PRKCZ: variants seen among roughly 807,000 people sequenced by gnomAD.
PRKCZ encodes the protein protein kinase C zeta type.
A neutral mutation model predicts 79.5 loss-of-function variants in PRKCZ; 33 were observed. That is an observed-to-expected ratio of 0.41 (90% CI 0.31 to 0.55). The LOEUF (loss-of-function observed/expected upper bound fraction) is 0.55. PRKCZ is among the 20% of genes least tolerant of loss of function. PRKCZ has a pLI of 0.19. For missense variants in PRKCZ, 578 were observed against 813.5 expected, an observed-to-expected ratio of 0.71 and a Z score of 3.52; for synonymous variants, 342 against 320.9, an observed-to-expected ratio of 1.07 and a Z score of -0.70.
chr1:2,169,301 G>A (rs550954151), intron 10 of PRKCZ: 22 of 596,004 alleles, frequency 3.7e-5, no homozygotes, highest in African/African-American at 3.5e-4. Context: ...CGAGGCCCCC[G>A]CATGACTCCC....
At chr1:2,102,556 TCTC>T (rs1414044746) in intron 4 of PRKCZ, among the ~76,000 whole-genome samples, 12 of 152,028 alleles carry the variant, frequency 7.9e-5, no homozygotes, top group Admixed American at 1.3e-4. Flanking sequence ...ATGGTCTCGA[TCTC>T]CTGACCTCGT....
At chr1:2,106,298 T>C (rs1344765720) in intron 4 of PRKCZ, among the ~76,000 whole-genome samples, 1 of 152,186 alleles carries the variant, frequency 6.6e-6, no homozygotes, top group Non-Finnish European at 1.5e-5. Flanking sequence ...TTAGGAAAAA[T>C]GCCAAACTGA....
At chr1:2,131,851 G>A (rs568504259) in intron 4 of PRKCZ, among the ~76,000 whole-genome samples, 8 of 152,324 alleles carry the variant, frequency 5.3e-5, no homozygotes, top group African/African-American at 1.4e-4. Flanking sequence ...TCGCTCTGTC[G>A]CCCAGGCTGG....
chr1:2,169,046 G>T, intron 10 of PRKCZ: 1 of 417,230 alleles, frequency 2.4e-6, no homozygotes, highest in Non-Finnish European at 5.0e-6. Context: ...TTGTTCCCTT[G>T]GAGGGCCGGT....
At chr1:2,170,308 T>G (rs972315758) in intron 11 of PRKCZ, among the ~76,000 whole-genome samples, 1 of 152,196 alleles carries the variant, frequency 6.6e-6, no homozygotes, top group Admixed American at 6.5e-5. Context: ...CCAGGACCGT[T>G]TGGGGGCTTA....
chr1:2,096,219 C>T (rs988239510), intron 4 of PRKCZ, among the ~76,000 whole-genome samples: 3 of 151,912 alleles, frequency 2.0e-5, no homozygotes, highest in Non-Finnish European at 2.9e-5. Flanking sequence ...GTGACTTCAT[C>T]CCTCCGATCG....
At chr1:2,084,605 G>T (rs1026062833) in intron 4 of PRKCZ, among the ~76,000 whole-genome samples, 1 of 152,262 alleles carries the variant, frequency 6.6e-6, no homozygotes, top group Non-Finnish European at 1.5e-5. Context: ...GTGGATGGGG[G>T]TGAGTGGGGC....
At chr1:2,145,945 G>A in intron 6 of PRKCZ, 82 bp from the exon 7 acceptor site, 1 of 1,279,430 alleles carries the variant, frequency 7.8e-7, no homozygotes, top group South Asian at 1.2e-5. Flanking sequence ...ATTTTAAAAA[G>A]TCACAAAGTG....
At position 2,173,627 on chromosome 1, in the gene PRKCZ, C is replaced by T. The variant is rs1684899434; in HGVS notation, c.1286-270C>T. ...CGCAGGTTCCACCAGTGCCTCGTGC[C>T]GGTGTGGTCACAGGTGCCCTGGCAG... is the stretch of plus-strand genomic sequence containing the variant. On this transcript the variant is annotated intron_variant, in intron 13 of 17. Coordinates refer to ENST00000378567, the MANE Select transcript of PRKCZ (RefSeq NM_002744.6). The surrounding 1 kb of genome is among the most constrained non-coding windows in gnomAD (Gnocchi z 5.7). Among the ~76,000 whole-genome samples the T allele has an allele frequency of 6.6e-6, 1 of 152,210 alleles. No individual in the cohort carries two copies. The highest frequency in any genetic ancestry group is 2.4e-5 in the African/African-American group (1 of 41,450).
intron 4 of PRKCZ, among the ~76,000 whole-genome samples, chr1:2,086,055 CT>C (rs34459015): frequency 0.35 from 47,705 of 137,254 alleles, 9,076 homozygotes; most frequent in East Asian, 0.84. Flanking sequence ...TATTATCATC[CT>C]TTTTTTTTTT....
At position 2,178,078 on chromosome 1, in the gene PRKCZ, G is replaced by A. The variant is rs543849971; in HGVS notation, c.1575+2765G>A. Among the ~76,000 whole-genome samples, 13 of 152,332 alleles carry A rather than the reference G, an allele frequency of 8.5e-5. No individual in the cohort carries two copies. In the South Asian group the frequency reaches 2.5e-3, roughly 29 times the overall value. On this transcript the variant is annotated intron_variant, in intron 16 of 17. Coordinates refer to ENST00000378567, the MANE Select transcript of PRKCZ (RefSeq NM_002744.6). The surrounding 1 kb of genome is among the most constrained non-coding windows in gnomAD (Gnocchi z 4.3). Reference sequence around the variant, plus strand: ...CCACCCCCATGTGACCTTGGCAGAAGGAAGGTCCTCCTCCCATTCACCCAA... The same window carrying A: ...CCACCCCCATGTGACCTTGGCAGAAAGAAGGTCCTCCTCCCATTCACCCAA...
At chr1:2,110,631 C>T (rs1230713503) in intron 4 of PRKCZ, among the ~76,000 whole-genome samples, 2 of 151,722 alleles carry the variant, frequency 1.3e-5, no homozygotes, top group Non-Finnish European at 2.9e-5. Context: ...CCTTGGGTCA[C>T]TTGTCCACCC....
intron 10 of PRKCZ, among the ~76,000 whole-genome samples, chr1:2,157,904 A>C (rs937356138): frequency 4.0e-5 from 6 of 151,426 alleles, no homozygotes; most frequent in Non-Finnish European, 7.4e-5. Context: ...TCCCAGCCCC[A>C]GCTCCGGGCC....
intron 4 of PRKCZ, among the ~76,000 whole-genome samples, chr1:2,070,082 C>T (rs534589264): frequency 2.6e-5 from 4 of 152,148 alleles, no homozygotes; most frequent in Admixed American, 6.5e-5. Context: ...ATACAAAGTC[C>T]GCTGGGCTGG....
chr1:2,167,246 GAGA>G (rs768441766), intron 10 of PRKCZ, among the ~76,000 whole-genome samples: 20 of 152,238 alleles, frequency 1.3e-4, no homozygotes, highest in Non-Finnish European at 2.5e-4. Context: ...CTTTTCTCTG[GAGA>G]AGAAGGGGAA....
chr1:2,115,511 T>C (rs1021338305), intron 4 of PRKCZ, among the ~76,000 whole-genome samples: 1 of 152,180 alleles, frequency 6.6e-6, no homozygotes, highest in African/African-American at 2.4e-5. Flanking sequence ...GTCCTGTGTT[T>C]CCATTCAGCT....
chr1:2,184,237 G>A (rs1240822598), intron 16 of PRKCZ: 3 of 289,958 alleles, frequency 1.0e-5, no homozygotes, highest in African/African-American at 2.2e-5. Context: ...GTTCCAAGAC[G>A]TCATGAGACG....
At chr1:2,062,666 T>C (rs1468436158) in intron 4 of PRKCZ, among the ~76,000 whole-genome samples, 1 of 151,868 alleles carries the variant, frequency 6.6e-6, no homozygotes, top group Non-Finnish European at 1.5e-5. Context: ...AGTTTTTCTT[T>C]TTGTAGAGTT....
At chr1:2,071,336 T>C (rs763787483) in intron 4 of PRKCZ, 6 of 468,860 alleles carry the variant, frequency 1.3e-5, no homozygotes, top group South Asian at 7.7e-5. Context: ...CCACCGAGTG[T>C]GTTCCAGGCC....
Sources: gnomAD v4.1 joint callset for allele counts (sites outside exome capture counted in the v4.1 genomes callset) on GRCh38, gnomAD v4.1.1 for gene constraint, Gnocchi (gnomAD v3.1) non-coding constraint, MANE v1.5 for transcripts, NCBI Gene and HGNC (gene_info 2026-07-23, HGNC 2026-07-21) for gene names.